Variants in LARP4B observed in about 807,000 individuals in gnomAD.
LARP4B encodes the protein la-related protein 4B.
Under a neutral mutation model 89.8 loss-of-function variants are expected in LARP4B, and 12 were observed. The ratio of observed to expected loss-of-function variants is 0.13; its 90% CI spans 0.09 to 0.22. LARP4B has a LOEUF of 0.22. LARP4B is among the 10% of genes least tolerant of loss of function. The probability of loss-of-function intolerance (pLI) is 1.00; values close to 1 mark genes in which losing one functional copy is unlikely to be tolerated. For missense variants in LARP4B, 757 were observed against 947.7 expected, an observed-to-expected ratio of 0.80 and a Z score of 2.64; for synonymous variants, 367 against 363.3, an observed-to-expected ratio of 1.01 and a Z score of -0.12.
At chr10:862,281 A>AC (rs1834664033) in intron 5 of LARP4B, among the ~76,000 whole-genome samples, 1 of 147,356 alleles carries the variant, frequency 6.8e-6, no homozygotes, top group Non-Finnish European at 1.5e-5. Flanking sequence ...AAAAAAAAAA[A>AC]CAACCGTCAC....
chr10:925,953 T>G (rs1837123441), intron 1 of LARP4B, among the ~76,000 whole-genome samples: 1 of 152,274 alleles, frequency 6.6e-6, no homozygotes. Flanking sequence ...AGTTAAAAAC[T>G]TGTAAATATA....
intron 14 of LARP4B, chr10:818,466 AT>A (rs1295556418): frequency 1.3e-5 from 2 of 152,274 alleles, no homozygotes; most frequent in African/African-American, 4.8e-5. Context: ...GAAAGTTTAT[AT>A]TTTTAAATAA....
chr10:877,882 A>T (rs1835518992), intron 3 of LARP4B, among the ~76,000 whole-genome samples: 1 of 152,250 alleles, frequency 6.6e-6, no homozygotes, highest in South Asian at 2.1e-4. Context: ...CAAACACTAA[A>T]TCTAACAAAT....
At position 826,090 on chromosome 10, in the gene LARP4B, C is replaced by T. The variant is rs900396860; in HGVS notation, c.1126-220G>A. ...TCAGCCAATCCTTACAACAATCCAG[C>T]GAGGAGAACTGACACATGCGGAAGC... is the stretch of plus-strand genomic sequence containing the variant. On this transcript the variant is annotated intron_variant, in intron 11 of 17. Transcript: ENST00000316157. Among the ~76,000 whole-genome samples, 7 of 152,190 alleles carry T rather than the reference C, an allele frequency of 4.6e-5. 1 individual carries two copies. Among genetic ancestry groups the T allele is most frequent in the Admixed American group, 4.6e-4 (7 of 15,284 alleles).
intron 1 of LARP4B, among the ~76,000 whole-genome samples, chr10:930,708 ATTT>A (rs898016143): frequency 6.6e-6 from 1 of 152,062 alleles, no homozygotes. Context: ...ATCTGACTTT[ATTT>A]TTTTAACTCC....
At chr10:829,636 CA>C in intron 10 of LARP4B, 42 bp from the exon 11 acceptor site, 1 of 1,609,744 alleles carries the variant, frequency 6.2e-7, no homozygotes, top group Non-Finnish European at 8.5e-7. Flanking sequence ...TACTTAAGAA[CA>C]TCAATTTGCA....
intron 7 of LARP4B, among the ~76,000 whole-genome samples, chr10:837,112 G>A (rs1185049168): frequency 6.6e-6 from 1 of 152,094 alleles, no homozygotes; most frequent in Non-Finnish European, 1.5e-5. Flanking sequence ...TCTATCAACA[G>A]GAAAAAGATA....
chr10:930,730 C>A (rs1052464142), intron 1 of LARP4B, among the ~76,000 whole-genome samples: 1 of 152,178 alleles, frequency 6.6e-6, no homozygotes, highest in African/African-American at 2.4e-5. Context: ...CCTTCAGATC[C>A]ACCTCTGCTC....
At chr10:916,532 C>T (rs1017346112) in intron 1 of LARP4B, among the ~76,000 whole-genome samples, 14 of 152,180 alleles carry the variant, frequency 9.2e-5, no homozygotes, top group Non-Finnish European at 1.0e-4. Flanking sequence ...CCCATCTCTA[C>T]TAAAAATACA....
Position 817,788 on chromosome 10 carries a change from C to T in LARP4B, c.1632G>A (p.Leu544=), listed in dbSNP as rs1243263630. 9 of 1,614,114 alleles carry T rather than the reference C, an allele frequency of 5.6e-6. No individual in the cohort carries two copies. Among genetic ancestry groups the T allele is most frequent in the Non-Finnish European group, 7.6e-6 (9 of 1,180,054 alleles). The change falls in exon 15 of 18, where the codon TTG becomes TTA. Residue 544 remains leucine, a synonymous_variant. Coordinates refer to ENST00000316157, the MANE Select transcript of LARP4B (RefSeq NM_015155.3). ...FPPLPGAAGN[L]KTEDLFENRL... ...TGTTTTCAAACAAGTCCTCTGTCTT[C>T]AAATTGCCGGCAGCTCCAGGTAATG...
At chr10:947,384 A>G in the LARP4B span, among the ~76,000 whole-genome samples, 2 of 152,116 alleles carry the variant, frequency 1.3e-5, no homozygotes, top group African/African-American at 4.8e-5. Flanking sequence ...CAGGATGGCC[A>G]TTGAGTGACC....
the LARP4B span, among the ~76,000 whole-genome samples, chr10:958,868 G>A: frequency 1.3e-5 from 2 of 152,236 alleles, no homozygotes; most frequent in Non-Finnish European, 2.9e-5. Context: ...GTACTTATCA[G>A]AGACTTCAGG....
intron 1 of LARP4B, among the ~76,000 whole-genome samples, chr10:923,855 C>T (rs1445965788): frequency 6.6e-6 from 1 of 152,132 alleles, no homozygotes. Context: ...TTCAGAGACA[C>T]TCCTAAAAAA....
At chr10:832,979 T>G (rs1245025129) in intron 8 of LARP4B, among the ~76,000 whole-genome samples, 1 of 152,134 alleles carries the variant, frequency 6.6e-6, no homozygotes, top group African/African-American at 2.4e-5. Flanking sequence ...TTGTGAGGCT[T>G]ATGACTGTGT....
At chr10:984,526 G>A in the LARP4B span, among the ~76,000 whole-genome samples, 1 of 152,188 alleles carries the variant, frequency 6.6e-6, no homozygotes, top group Admixed American at 6.5e-5. Flanking sequence ...GCTCTGACGT[G>A]AGCAAGGGCA....
intron 3 of LARP4B, among the ~76,000 whole-genome samples, chr10:881,845 C>G (rs1835678320): frequency 1.3e-5 from 2 of 152,182 alleles, no homozygotes; most frequent in African/African-American, 4.8e-5. Context: ...TGTTAGGGCT[C>G]CTCGAAGACG....
Position 863,871 on chromosome 10 carries a change from T to C in LARP4B, c.302A>G (p.Asn101Ser), listed in dbSNP as rs776759496. 2.9e-5 allele frequency: 46 copies of C among 1,611,752 alleles called. No homozygotes were observed. The highest frequency in any genetic ancestry group is 2.1e-4 in the South Asian group (19 of 90,572). ...ADRGPQGSDA[N>S]GDGDQGHENA... Reference sequence around the variant, plus strand: ...CTCATGGCCCTGGTCACCATCACCATTGGCATCCGATCCTACAATTAGGAG... The same window carrying C: ...CTCATGGCCCTGGTCACCATCACCACTGGCATCCGATCCTACAATTAGGAG... The change falls in exon 5 of 18, where the codon AAT (asparagine) becomes AGT (serine). Residue 101 changes from asparagine to serine, a missense_variant. Physicochemically the swap from Asn to Ser is conservative, Grantham distance 46 (BLOSUM62 1). This residue lies in a region of LARP4B where 175 missense variants were observed against 187.0 expected (regional missense o/e 0.94). Transcript: ENST00000316157.
intron 1 of LARP4B, 101 bp downstream of exon 1, chr10:931,327 G>C (rs1241519940): frequency 6.6e-6 from 1 of 151,118 alleles, no homozygotes; most frequent in East Asian, 2.0e-4. Context: ...TGCCCGCCGC[G>C]GCCGCGTCCT....
intron 5 of LARP4B, among the ~76,000 whole-genome samples, chr10:861,070 G>A (rs538305150): frequency 6.6e-6 from 1 of 152,162 alleles, no homozygotes; most frequent in African/African-American, 2.4e-5. Flanking sequence ...GCAGGAGAAT[G>A]GCGTGAACCC....
Sources: gnomAD v4.1 joint callset for allele counts (sites outside exome capture counted in the v4.1 genomes callset) on GRCh38, gnomAD v4.1.1 for gene constraint, gnomAD v4.1.1 regional missense constraint, MANE v1.5 for transcripts, NCBI Gene and HGNC (gene_info 2026-07-23, HGNC 2026-07-21) for gene names.